MDGA2: variants seen among roughly 807,000 people sequenced by gnomAD.
The protein encoded by MDGA2 is MAM domain-containing glycosylphosphatidylinositol anchor protein 2.
In MDGA2, 40 loss-of-function variants were observed where a neutral mutation model predicts 117.8. The ratio of observed to expected loss-of-function variants is 0.34; its 90% CI spans 0.26 to 0.44. The LOEUF (loss-of-function observed/expected upper bound fraction) is 0.44. Ranked by LOEUF, MDGA2 falls within the 20% of genes least tolerant of loss-of-function variation. The pLI, the probability that MDGA2 is intolerant of heterozygous loss-of-function variation, is 1.00. For missense variants in MDGA2, 1,123 were observed against 1,250.6 expected (o/e 0.90, Z 1.54); for synonymous variants, 452 against 439.0 (o/e 1.03, Z -0.37).
At chr14:47,670,468 A>T (rs1898053934) in intron 1 of MDGA2, among the ~76,000 whole-genome samples, 1 of 152,160 alleles carries the variant, frequency 6.6e-6, no homozygotes, top group African/African-American at 2.4e-5. Flanking sequence ...TTTACAGGAG[A>T]TACAATTATT....
At chr14:47,195,613 G>C (rs1365352646) in intron 3 of MDGA2, among the ~76,000 whole-genome samples, 1 of 152,006 alleles carries the variant, frequency 6.6e-6, no homozygotes, top group Non-Finnish European at 1.5e-5. Flanking sequence ...CATATAAAAA[G>C]AGATAAGTTC....
At chr14:47,366,613 C>A (rs1891236316) in intron 1 of MDGA2, among the ~76,000 whole-genome samples, 1 of 151,986 alleles carries the variant, frequency 6.6e-6, no homozygotes. Context: ...GACAGTATAA[C>A]ATATTCGTCT....
At chr14:47,492,704 A>G (rs1894196692) in intron 1 of MDGA2, among the ~76,000 whole-genome samples, 1 of 152,158 alleles carries the variant, frequency 6.6e-6, no homozygotes, top group South Asian at 2.1e-4. Context: ...TAAGTATTTT[A>G]AAGCACTGCA....
intron 1 of MDGA2, among the ~76,000 whole-genome samples, chr14:47,378,937 GA>G (rs1296636861): frequency 6.6e-6 from 1 of 152,152 alleles, no homozygotes; most frequent in Non-Finnish European, 1.5e-5. Flanking sequence ...AAGTTGAAAT[GA>G]AGGAAAAAAT....
At chr14:47,115,410 A>G (rs1881273033) in intron 5 of MDGA2, among the ~76,000 whole-genome samples, 1 of 152,046 alleles carries the variant, frequency 6.6e-6, no homozygotes, top group Non-Finnish European at 1.5e-5. Context: ...ACGTGCCTCA[A>G]TAAATTAAGG....
At chr14:47,375,449 C>T (rs1487355387) in intron 1 of MDGA2, among the ~76,000 whole-genome samples, 7 of 151,944 alleles carry the variant, frequency 4.6e-5, no homozygotes, top group Non-Finnish European at 1.0e-4. Flanking sequence ...CTTAATCTGG[C>T]CTCATCTTTC....
rs375477054 is a variant in MDGA2 at position 47,460,679 on chromosome 14, T to C, written c.281-159129A>G. 6.8e-3 allele frequency among the ~76,000 whole-genome samples: 1,040 copies of C among 152,232 alleles called. 18 individuals carry two copies. The highest frequency in any genetic ancestry group is 0.024 in the African/African-American group (997 of 41,530). On this transcript the variant is annotated intron_variant, in intron 1 of 16. Transcript: ENST00000399232. The stretch of plus-strand genomic sequence containing the variant: ...CCAAGGATGTGTCTTCTTTAGAAGA[T>C]GGGATATTACATAATGGCATGCCAT...
At chr14:47,332,460 T>C (rs1022632509) in intron 1 of MDGA2, among the ~76,000 whole-genome samples, 2 of 151,500 alleles carry the variant, frequency 1.3e-5, no homozygotes, top group African/African-American at 4.8e-5. Flanking sequence ...TATAACCCTA[T>C]CAGAAAAAAA....
chr14:47,016,188 G>C (rs1888077304), intron 8 of MDGA2, among the ~76,000 whole-genome samples: 5 of 152,018 alleles, frequency 3.3e-5, no homozygotes, highest in Admixed American at 2.6e-4. Flanking sequence ...TGCCAACTCA[G>C]TTACAATATT....
chr14:47,343,949 C>T (rs17118368), intron 1 of MDGA2, among the ~76,000 whole-genome samples: 41,403 of 152,034 alleles, frequency 0.27, 5,851 homozygotes, highest in African/African-American at 0.32. Flanking sequence ...TTAAGGCTCA[C>T]TGATTTATCC....
chr14:47,416,689 G>C (rs935524373), intron 1 of MDGA2, among the ~76,000 whole-genome samples: 1 of 152,150 alleles, frequency 6.6e-6, no homozygotes, highest in African/African-American at 2.4e-5. Context: ...CACTCTCAGA[G>C]CACACGCATG....
At chr14:47,612,637 T>C (rs8011655) in intron 1 of MDGA2, among the ~76,000 whole-genome samples, 37,176 of 152,070 alleles carry the variant, frequency 0.24, 5,683 homozygotes, top group South Asian at 0.47. Context: ...ACTATTTGGG[T>C]ATGCTTCTAT....
In MDGA2 at chr14:47,170,107, T is replaced by C. The variant is rs1884058669; in HGVS notation, c.596-25833A>G. On this transcript the variant is annotated intron_variant, in intron 3 of 16. Coordinates refer to ENST00000399232, the MANE Select transcript of MDGA2 (RefSeq NM_001113498.3). ...GAGTTCATACATGAACACAGAGCTCTTCTGACTAGACAAAATAAGTTCATG... is the reference window on the plus strand; with the variant it reads ...GAGTTCATACATGAACACAGAGCTCCTCTGACTAGACAAAATAAGTTCATG... Among the ~76,000 whole-genome samples, 5 of 152,260 alleles carry C rather than the reference T, an allele frequency of 3.3e-5. No individual in the cohort carries two copies. The South Asian group carries it at 1.0e-3, about 32-fold the overall frequency.
chr14:47,326,471 A>C (rs1890145785), intron 1 of MDGA2, among the ~76,000 whole-genome samples: 1 of 152,004 alleles, frequency 6.6e-6, no homozygotes. Context: ...GCACCCCTCA[A>C]ATAGCTTTCC....
intron 11 of MDGA2, among the ~76,000 whole-genome samples, chr14:46,881,059 T>C (rs962298995): frequency 7.1e-6 from 1 of 141,284 alleles, no homozygotes; most frequent in Non-Finnish European, 1.6e-5. Context: ...TAGCATTTTT[T>C]AACATTAGCA....
chr14:47,627,030 G>T (rs1403259615), intron 1 of MDGA2, among the ~76,000 whole-genome samples: 1 of 152,224 alleles, frequency 6.6e-6, no homozygotes, highest in Non-Finnish European at 1.5e-5. Flanking sequence ...CACACCAGTC[G>T]GCACCGTGTG....
chr14:47,565,533 C>A (rs1330257073), intron 1 of MDGA2, among the ~76,000 whole-genome samples: 1 of 152,198 alleles, frequency 6.6e-6, no homozygotes, highest in Admixed American at 6.5e-5. Flanking sequence ...TCCGCATTCC[C>A]AAACCGTTGG....
At chr14:47,489,019 T>A (rs772079630) in intron 1 of MDGA2, among the ~76,000 whole-genome samples, 1 of 152,040 alleles carries the variant, frequency 6.6e-6, no homozygotes, top group African/African-American at 2.4e-5. Context: ...TTAATCTTCT[T>A]GTATACCATT....
intron 8 of MDGA2, among the ~76,000 whole-genome samples, chr14:46,961,654 T>G (rs1301973499): frequency 6.6e-6 from 1 of 151,996 alleles, no homozygotes; most frequent in Non-Finnish European, 1.5e-5. Context: ...TAATTTTTTT[T>G]TTTTTTGAGA....
Sources: gnomAD v4.1 joint callset for allele counts (sites outside exome capture counted in the v4.1 genomes callset) on GRCh38, gnomAD v4.1.1 for gene constraint, MANE v1.5 for transcripts, NCBI Gene and HGNC (gene_info 2026-07-23, HGNC 2026-07-21) for gene names.